The following ATP8A2 variants were observed in gnomAD, a reference collection of about 807,000 sequenced individuals.
The protein encoded by ATP8A2 is phospholipid-transporting ATPase IB.
A neutral mutation model predicts 165.6 loss-of-function variants in ATP8A2; 100 were observed. That is an observed-to-expected ratio of 0.60 (90% CI 0.51 to 0.71). The LOEUF (loss-of-function observed/expected upper bound fraction) is 0.71, where lower values mean the gene tolerates loss of function less well. Among genes scored for constraint, ATP8A2 ranks in the 30% least tolerant of loss-of-function variants. The probability of loss-of-function intolerance (pLI) is 0.00; values close to 1 mark genes in which losing one functional copy is unlikely to be tolerated. For missense variants in ATP8A2, 1,227 were observed against 1,479.5 expected (o/e 0.83, Z 2.80); for synonymous variants, 543 against 548.8 (o/e 0.99, Z 0.15).
At chr13:25,716,158 C>T (rs559428942) in intron 25 of ATP8A2, among the ~76,000 whole-genome samples, 5 of 152,262 alleles carry the variant, frequency 3.3e-5, no homozygotes, top group East Asian at 3.9e-4. Flanking sequence ...ATCCTTTGCC[C>T]GTTTTTAAAT....
rs1055797612 is a variant in ATP8A2 at position 25,624,971 on chromosome 13, A to G, written c.2211+35272A>G. Among the ~76,000 whole-genome samples the G allele has an allele frequency of 5.9e-5, 9 of 152,236 alleles. 1 individual carries two copies. Among genetic ancestry groups the G allele is most frequent in the Admixed American group, 2.0e-4 (3 of 15,278 alleles). On this transcript the variant is annotated intron_variant, in intron 24 of 36. Coordinates refer to ENST00000381655, the MANE Select transcript of ATP8A2 (RefSeq NM_016529.6). ...TAGGAATTATCTCTAAAGATATAAA[A>G]TGGTCTTATTTTTCCTTAATGGTGT...
rs572662173 is a variant in ATP8A2, at chr13:25,563,850, A to T, written c.1398-106A>T. The T allele has an allele frequency of 3.4e-5, 25 of 724,914 alleles. No homozygotes were observed. In the African/African-American group the frequency reaches 4.2e-4, roughly 12 times the overall value. The allele number at this position is 724,914 out of a possible 1,614,324, so 44.9% of individuals were successfully genotyped here. ...CTTTAAAAGTTTAATGTGAATCCCTATAGGACTTTAGGTATGGTTCTTCTT... is the reference window on the plus strand; with the variant it reads ...CTTTAAAAGTTTAATGTGAATCCCTTTAGGACTTTAGGTATGGTTCTTCTT... On this transcript the variant is annotated intron_variant, in intron 15 of 36. Coordinates refer to ENST00000381655, the MANE Select transcript of ATP8A2 (RefSeq NM_016529.6).
intron 35 of ATP8A2, among the ~76,000 whole-genome samples, chr13:26,007,675 A>G (rs1225163955): frequency 6.6e-6 from 1 of 152,212 alleles, no homozygotes; most frequent in East Asian, 1.9e-4. Flanking sequence ...AAACATAACT[A>G]AGCTCAAAAG....
Position 25,559,738 on chromosome 13 carries a change from C to T in ATP8A2, c.1370C>T (p.Ala457Val), listed in dbSNP as rs1283739703. The T allele has an allele frequency of 6.2e-7, 1 of 1,613,434 alleles. No homozygotes were observed. Among genetic ancestry groups the T allele is most frequent in the South Asian group, 1.1e-5 (1 of 91,048 alleles). Residue 457 changes from alanine to valine, a missense_variant, in exon 15 of 37, where the codon GCA (alanine) becomes GTA (valine). Transcript: ENST00000381655. The part of the protein sequence containing the change: ...GVTYGHFPEL[A>V]REPSSDDFCR... ...TCTGGCAGTCACTTCCCAGAATTGGCAAGAGAGCCGTCTTCAGATGACTTC... is the reference window on the plus strand; with the variant it reads ...TCTGGCAGTCACTTCCCAGAATTGGTAAGAGAGCCGTCTTCAGATGACTTC...
intron 35 of ATP8A2, among the ~76,000 whole-genome samples, chr13:25,982,640 T>C (rs562383885): frequency 1.3e-5 from 2 of 152,350 alleles, no homozygotes; most frequent in South Asian, 2.1e-4. Flanking sequence ...GTGATTGCAA[T>C]GCAGCCAGCT....
intron 24 of ATP8A2, among the ~76,000 whole-genome samples, chr13:25,602,737 T>C (rs924203923): frequency 1.3e-5 from 2 of 152,102 alleles, no homozygotes; most frequent in African/African-American, 4.8e-5. Context: ...ATGGGTGTCA[T>C]TGGAATCTGA....
chr13:25,937,659 T>C (rs1442821962), intron 33 of ATP8A2, among the ~76,000 whole-genome samples: 2 of 151,124 alleles, frequency 1.3e-5, no homozygotes, highest in Non-Finnish European at 3.0e-5. Context: ...ACCATCCTGG[T>C]TAACACGGTG....
At chr13:25,866,941 T>C (rs1456304355) in intron 33 of ATP8A2, among the ~76,000 whole-genome samples, 1 of 152,184 alleles carries the variant, frequency 6.6e-6, no homozygotes. Context: ...GCTTTCAAAG[T>C]AGGGAATTAC....
At chr13:25,465,354 G>A (rs1397772918) in intron 1 of ATP8A2, among the ~76,000 whole-genome samples, 1 of 152,076 alleles carries the variant, frequency 6.6e-6, no homozygotes, top group Non-Finnish European at 1.5e-5. Context: ...TTTCTACCTA[G>A]GAAAAAATCC....
intron 33 of ATP8A2, among the ~76,000 whole-genome samples, chr13:25,948,722 T>C (rs961137932): frequency 4.6e-5 from 7 of 152,104 alleles, no homozygotes; most frequent in Non-Finnish European, 1.0e-4. Flanking sequence ...TCTCTATTCA[T>C]ACACAAAAAG....
chr13:25,394,520 A>T (rs1234200175), intron 1 of ATP8A2, among the ~76,000 whole-genome samples: 1 of 152,174 alleles, frequency 6.6e-6, no homozygotes, highest in Non-Finnish European at 1.5e-5. Context: ...GGGGCAACCA[A>T]CCAGAAGAGG....
intron 35 of ATP8A2, among the ~76,000 whole-genome samples, chr13:25,982,134 A>T (rs1353595150): frequency 2.0e-5 from 3 of 152,242 alleles, no homozygotes; most frequent in Admixed American, 1.3e-4. Context: ...TCTGTTGCCC[A>T]GACCTTTTGC....
chr13:25,923,022 G>A (rs1055073945), intron 33 of ATP8A2, among the ~76,000 whole-genome samples: 2 of 152,190 alleles, frequency 1.3e-5, no homozygotes, highest in African/African-American at 4.8e-5. Flanking sequence ...TGAAGGGAAA[G>A]GGACAAGTGG....
intron 1 of ATP8A2, among the ~76,000 whole-genome samples, chr13:25,395,556 G>A (rs1214880693): frequency 6.6e-6 from 1 of 152,146 alleles, no homozygotes; most frequent in Non-Finnish European, 1.5e-5. Flanking sequence ...GTTTAACAAA[G>A]TATGGAGAGC....
At chr13:25,946,049 GC>G (rs1955200818) in intron 33 of ATP8A2, among the ~76,000 whole-genome samples, 1 of 152,188 alleles carries the variant, frequency 6.6e-6, no homozygotes, top group African/African-American at 2.4e-5. Flanking sequence ...AGGCAGGACA[GC>G]CCTGTGAGGC....
At chr13:25,995,109 G>C (rs1450104502) in intron 35 of ATP8A2, among the ~76,000 whole-genome samples, 1 of 151,880 alleles carries the variant, frequency 6.6e-6, no homozygotes, top group Non-Finnish European at 1.5e-5. Flanking sequence ...TCAAACACAT[G>C]TGTAGAATTG....
chr13:25,851,582 C>CAAAAA (rs200852097), intron 30 of ATP8A2, among the ~76,000 whole-genome samples: 4 of 109,054 alleles, frequency 3.7e-5, no homozygotes, highest in African/African-American at 7.0e-5. Flanking sequence ...GACTCTGTCT[C>CAAAAA]AAAAAAAAAA....
intron 1 of ATP8A2, among the ~76,000 whole-genome samples, chr13:25,415,235 A>G (rs1395014372): frequency 6.6e-6 from 1 of 152,032 alleles, no homozygotes; most frequent in Non-Finnish European, 1.5e-5. Context: ...CTCCCCATGT[A>G]CTCTCCATGC....
chr13:25,770,204 A>G (rs1224634071), intron 26 of ATP8A2, among the ~76,000 whole-genome samples: 1 of 152,136 alleles, frequency 6.6e-6, no homozygotes, highest in Non-Finnish European at 1.5e-5. Flanking sequence ...TGGGGACTAG[A>G]CTAACATTAG....
Sources: allele counts gnomAD v4.1 joint callset (sites outside exome capture counted in the v4.1 genomes callset), GRCh38; gene constraint gnomAD v4.1.1; transcripts MANE v1.5; gene names NCBI Gene and HGNC (gene_info 2026-07-23, HGNC 2026-07-21).